The following TPD52L1 variants were observed in gnomAD, a reference collection of about 807,000 sequenced individuals.
TPD52L1 encodes tumor protein D53.
Under a neutral mutation model 28.7 loss-of-function variants are expected in TPD52L1, and 18 were observed. The ratio of observed to expected loss-of-function variants is 0.63; its 90% confidence interval spans 0.43 to 0.93. The LOEUF is 0.93. Among genes scored for constraint, TPD52L1 ranks in the 40% least tolerant of loss-of-function variants. The pLI is 0.00. For synonymous variants in TPD52L1, 75 were observed against 88.8 expected (o/e 0.84, Z 0.88); for missense variants, 203 against 254.8 (o/e 0.80, Z 1.39).
At chr6:125,206,006 C>T (rs1218112534) in intron 1 of TPD52L1, among the ~76,000 whole-genome samples, 1 of 152,058 alleles carries the variant, frequency 6.6e-6, no homozygotes, top group Non-Finnish European at 1.5e-5. Context: ...TTAACAACAA[C>T]AAAAAAGGAA....
At chr6:125,201,097 T>C (rs1401991464) in intron 1 of TPD52L1, among the ~76,000 whole-genome samples, 1 of 152,210 alleles carries the variant, frequency 6.6e-6, no homozygotes, top group Non-Finnish European at 1.5e-5. Flanking sequence ...ATGGGTTTTC[T>C]GTCATGTGGT....
At chr6:125,255,423 A>G (rs923060797) in intron 5 of TPD52L1, among the ~76,000 whole-genome samples, 5 of 152,196 alleles carry the variant, frequency 3.3e-5, no homozygotes, top group Admixed American at 2.6e-4. Flanking sequence ...CTAACATTTC[A>G]TCATGAAACA....
At chr6:125,156,725 C>T (rs903698535) in intron 1 of TPD52L1, among the ~76,000 whole-genome samples, 1 of 152,088 alleles carries the variant, frequency 6.6e-6, no homozygotes, top group Non-Finnish European at 1.5e-5. Context: ...GCTGTGATTA[C>T]ATCACTGCAC....
chr6:125,209,944 A>G (rs1794389021), intron 1 of TPD52L1, among the ~76,000 whole-genome samples: 1 of 152,192 alleles, frequency 6.6e-6, no homozygotes, highest in African/African-American at 2.4e-5. Flanking sequence ...GAAGACATAG[A>G]GATGAAACTT....
intron 1 of TPD52L1, among the ~76,000 whole-genome samples, chr6:125,155,292 A>C (rs1022592605): frequency 1.3e-5 from 2 of 152,238 alleles, no homozygotes; most frequent in Non-Finnish European, 2.9e-5. Flanking sequence ...GCATATTAGA[A>C]TTATTTAGAG....
At chr6:125,168,499 T>C (rs1009320904) in intron 1 of TPD52L1, among the ~76,000 whole-genome samples, 1 of 151,922 alleles carries the variant, frequency 6.6e-6, no homozygotes, top group Non-Finnish European at 1.5e-5. Flanking sequence ...TCTGTAGAAC[T>C]TGCTTCTGTC....
chr6:125,176,539 G>A (rs1006127495), intron 1 of TPD52L1, among the ~76,000 whole-genome samples: 19 of 152,282 alleles, frequency 1.2e-4, no homozygotes, highest in African/African-American at 4.3e-4. Context: ...TGTAGAACTC[G>A]AGATGGAATC....
intron 1 of TPD52L1, among the ~76,000 whole-genome samples, chr6:125,166,256 T>C (rs913272908): frequency 6.6e-6 from 1 of 152,210 alleles, no homozygotes; most frequent in South Asian, 2.1e-4. Context: ...TTTTCACTGA[T>C]TTTTCTCTCT....
At chr6:125,158,872 G>A (rs1428027872) in intron 1 of TPD52L1, among the ~76,000 whole-genome samples, 1 of 152,164 alleles carries the variant, frequency 6.6e-6, no homozygotes, top group Non-Finnish European at 1.5e-5. Flanking sequence ...TAAAAGTTAT[G>A]TTTATACTAT....
chr6:125,242,311 T>A (rs1796660940), intron 3 of TPD52L1, among the ~76,000 whole-genome samples: 1 of 152,130 alleles, frequency 6.6e-6, no homozygotes, highest in Non-Finnish European at 1.5e-5. Context: ...AGTCCATTAG[T>A]TCTAGTGTAG....
At chr6:125,211,292 TATC>T (rs1794485734) in intron 1 of TPD52L1, among the ~76,000 whole-genome samples, 2 of 150,202 alleles carry the variant, frequency 1.3e-5, no homozygotes, top group Admixed American at 1.3e-4. Context: ...TCTATCTATC[TATC>T]TATCTATCTA....
At chr6:125,198,815 G>A (rs956408162) in intron 1 of TPD52L1, among the ~76,000 whole-genome samples, 8 of 152,184 alleles carry the variant, frequency 5.3e-5, no homozygotes, top group African/African-American at 7.2e-5. Context: ...CACAACTTAC[G>A]GGATGAGTAC....
chr6:125,189,710 A>G (rs1172363556), intron 1 of TPD52L1, among the ~76,000 whole-genome samples: 1 of 152,124 alleles, frequency 6.6e-6, no homozygotes. Context: ...GTACTTTTCC[A>G]TGAGCCTCCT....
chr6:125,175,515 GA>G (rs1195722302), intron 1 of TPD52L1, among the ~76,000 whole-genome samples: 2 of 152,106 alleles, frequency 1.3e-5, no homozygotes, highest in African/African-American at 4.8e-5. Flanking sequence ...CATAAAGATA[GA>G]ATCTAGGGTA....
intron 1 of TPD52L1, among the ~76,000 whole-genome samples, chr6:125,217,307 A>G (rs545463580): frequency 3.3e-5 from 5 of 152,212 alleles, no homozygotes; most frequent in African/African-American, 1.2e-4. Flanking sequence ...ACATTGTAAT[A>G]TATAATGAAA....
chr6:125,198,899 A>G (rs960284285), intron 1 of TPD52L1, among the ~76,000 whole-genome samples: 1 of 152,198 alleles, frequency 6.6e-6, no homozygotes, highest in African/African-American at 2.4e-5. Context: ...CCCTACAATC[A>G]CAACAATGAG....
intron 4 of TPD52L1, among the ~76,000 whole-genome samples, chr6:125,249,138 A>G (rs909550474): frequency 5.4e-4 from 82 of 150,982 alleles, no homozygotes; most frequent in African/African-American, 1.8e-3. Flanking sequence ...AATATTATAT[A>G]CAATATATTA....
In TPD52L1 at chr6:125,260,944, GAA is replaced by G. The variant is rs1173476976; in HGVS notation, c.487-1888_487-1887del. On this transcript the variant is annotated intron_variant, in intron 6 of 6. Coordinates refer to ENST00000534000, the MANE Select transcript of TPD52L1 (RefSeq NM_003287.4). ...AAGAAGAAAGAAAGAAAGAAAGAAA[GAA>G]AGAAAGAAAGAAAGAAAGAAAGAAA... is the stretch of plus-strand genomic sequence containing the variant. 1.3e-4 allele frequency: 5 copies of G among 37,524 alleles called. 1 individual carries two copies. Among genetic ancestry groups the G allele is most frequent in the African/African-American group, 5.3e-4 (2 of 3,756 alleles). 2.3% of individuals were successfully genotyped at this position (37,524 alleles called of 1,614,324 possible).
intron 1 of TPD52L1, among the ~76,000 whole-genome samples, chr6:125,174,412 G>A (rs1345296665): frequency 2.6e-5 from 4 of 152,132 alleles, no homozygotes; most frequent in African/African-American, 9.7e-5. Flanking sequence ...ATAGCTTTCT[G>A]GAGCTAAGGA....
Sources: gnomAD v4.1 joint callset for allele counts (sites outside exome capture counted in the v4.1 genomes callset) on GRCh38, gnomAD v4.1.1 for gene constraint, MANE v1.5 for transcripts, NCBI Gene and HGNC (gene_info 2026-07-23, HGNC 2026-07-21) for gene names.